The following NCKAP5 variants were observed in gnomAD, a reference collection of about 807,000 sequenced individuals.
NCKAP5 encodes the protein nck-associated protein 5.
A neutral mutation model predicts 167.0 loss-of-function variants in NCKAP5; 92 were observed. The ratio of observed to expected loss-of-function variants is 0.55; its 90% CI spans 0.47 to 0.66. The LOEUF (loss-of-function observed/expected upper bound fraction) is 0.66. Among genes scored for constraint, NCKAP5 ranks in the 30% least tolerant of loss-of-function variants. The pLI, the probability that NCKAP5 is intolerant of heterozygous loss-of-function variation, is 0.00. For missense variants in NCKAP5, 2,378 were observed against 2,315.0 expected, an observed-to-expected ratio of 1.03 and a Z score of -0.56; for synonymous variants, 891 against 877.4, an observed-to-expected ratio of 1.02 and a Z score of -0.27.
intron 5 of NCKAP5, among the ~76,000 whole-genome samples, chr2:133,199,041 G>A (rs2085558568): frequency 6.6e-6 from 1 of 151,916 alleles, no homozygotes. Flanking sequence ...TGATACAAAT[G>A]TGGATATCTA....
Position 132,732,210 on chromosome 2 carries a change from C to T in NCKAP5, c.5129-159G>A, listed in dbSNP as rs189976852. Among the ~76,000 whole-genome samples the T allele has an allele frequency of 1.1e-4, 16 of 148,800 alleles. 1 individual carries two copies. In the East Asian group the frequency reaches 3.2e-3, roughly 30 times the overall value. On this transcript the variant is annotated intron_variant, in intron 16 of 19. Coordinates refer to ENST00000409261, the MANE Select transcript of NCKAP5 (RefSeq NM_207363.3). ...CACAAGGACAGAAAACCAAACACCG[C>T]TTGTTCTCACTCATAGGTGGGAATT...
At chr2:132,676,292 T>TG (rs1684469842) in intron 19 of NCKAP5, among the ~76,000 whole-genome samples, 1 of 132,722 alleles carries the variant, frequency 7.5e-6, no homozygotes, top group Non-Finnish European at 1.6e-5. Context: ...CCTTTTTTTT[T>TG]TTTTTTTTTT....
In NCKAP5 at chr2:132,912,967, T is replaced by C. The variant is rs138400955; in HGVS notation, c.580-34051A>G. Among the ~76,000 whole-genome samples, 445 of 152,264 alleles carry C rather than the reference T, an allele frequency of 2.9e-3. 1 individual carries two copies. The highest frequency in any genetic ancestry group is 0.01 in the African/African-American group (433 of 41,558). ...TTGCTTTCAATTTGAATGTTATCCC[T>C]ACAGAACATTAGAAAGCACTCAGTG... is the stretch of plus-strand genomic sequence containing the variant. On this transcript the variant is annotated intron_variant, in intron 8 of 19. Transcript: ENST00000409261.
At chr2:133,641,896 A>T in the NCKAP5 span, among the ~76,000 whole-genome samples, 2 of 152,172 alleles carry the variant, frequency 1.3e-5, no homozygotes, top group Admixed American at 1.3e-4. Flanking sequence ...CCATTGAATG[A>T]TCAATATATC....
At chr2:132,800,749 T>C (rs1174243522) in intron 11 of NCKAP5, among the ~76,000 whole-genome samples, 1 of 152,170 alleles carries the variant, frequency 6.6e-6, no homozygotes, top group Non-Finnish European at 1.5e-5. Flanking sequence ...GTGGATTCCC[T>C]GCCTTGAGGA....
At chr2:132,868,895 C>T (rs999008232) in intron 10 of NCKAP5, 41 bp downstream of exon 10, 2 of 1,493,036 alleles carry the variant, frequency 1.3e-6, no homozygotes, top group Non-Finnish European at 9.0e-7. Context: ...AATATAGTCA[C>T]AAAAGTGCCT....
intron 4 of NCKAP5, among the ~76,000 whole-genome samples, chr2:133,215,007 G>T (rs1000976525): frequency 9.2e-5 from 14 of 152,190 alleles, no homozygotes; most frequent in African/African-American, 2.7e-4. Context: ...TCTTTTAGTA[G>T]AAATAGTTCT....
chr2:133,393,348 C>T (rs946412781), intron 3 of NCKAP5, among the ~76,000 whole-genome samples: 1 of 152,184 alleles, frequency 6.6e-6, no homozygotes, highest in Non-Finnish European at 1.5e-5. Context: ...GAAAGCTTTA[C>T]AGTTATCAAG....
At chr2:133,386,470 A>G (rs983514719) in intron 3 of NCKAP5, among the ~76,000 whole-genome samples, 1 of 152,202 alleles carries the variant, frequency 6.6e-6, no homozygotes, top group Non-Finnish European at 1.5e-5. Flanking sequence ...ACTTCCAACT[A>G]TGTGGACAAT....
chr2:132,698,440 A>G (rs1323738841), intron 19 of NCKAP5, among the ~76,000 whole-genome samples: 2 of 152,164 alleles, frequency 1.3e-5, no homozygotes, highest in Non-Finnish European at 2.9e-5. Context: ...TCTGAATCTC[A>G]GTTTTATTAT....
the NCKAP5 span, among the ~76,000 whole-genome samples, chr2:133,611,086 G>A: frequency 6.0e-5 from 9 of 150,976 alleles, no homozygotes; most frequent in African/African-American, 2.0e-4. Flanking sequence ...AGTGACCTTG[G>A]ATTTAAATGT....
upstream of NCKAP5, among the ~76,000 whole-genome samples, chr2:133,570,576 C>G (rs1254301648): frequency 6.6e-6 from 1 of 152,146 alleles, no homozygotes; most frequent in East Asian, 1.9e-4. Flanking sequence ...GATTTAAAGA[C>G]CTCTTAGACT....
chr2:133,240,132 G>A (rs1243548781), intron 4 of NCKAP5, among the ~76,000 whole-genome samples: 3 of 152,004 alleles, frequency 2.0e-5, no homozygotes, highest in Non-Finnish European at 1.5e-5. Flanking sequence ...CCGGAGTTAC[G>A]AACTTAGCCA....
intron 6 of NCKAP5, among the ~76,000 whole-genome samples, chr2:133,102,651 T>C (rs1040548578): frequency 1.3e-5 from 2 of 152,162 alleles, no homozygotes; most frequent in African/African-American, 4.8e-5. Flanking sequence ...CCTCCACTAC[T>C]TTATTTACAT....
intron 8 of NCKAP5, among the ~76,000 whole-genome samples, chr2:132,911,713 A>T (rs1694464852): frequency 6.6e-6 from 1 of 152,292 alleles, no homozygotes; most frequent in East Asian, 1.9e-4. Flanking sequence ...TTGCCCTCCT[A>T]TGTGAACTCC....
At chr2:132,907,627 T>C (rs564317612) in intron 8 of NCKAP5, among the ~76,000 whole-genome samples, 33 of 152,308 alleles carry the variant, frequency 2.2e-4, no homozygotes, top group Middle Eastern at 3.4e-3. Context: ...TTTAGAGGTG[T>C]TTAGATAAAC....
chr2:132,785,262 T>C lies in NCKAP5; in HGVS notation c.1549A>G (p.Asn517Asp), dbSNP rs1683461980. ...VSDSLFGWET[N>D]RKHFLEGTSS... ...GTGCCTTCCAGAAAGTGTTTTCTGTTTGTCTCCCAGCCAAACAGACTGTCG... is the reference window on the plus strand; with the variant it reads ...GTGCCTTCCAGAAAGTGTTTTCTGTCTGTCTCCCAGCCAAACAGACTGTCG... Residue 517 changes from asparagine to aspartate, a missense_variant, in exon 14 of 20, where the codon AAC (asparagine) becomes GAC (aspartate). By Grantham distance (23) the Asn-to-Asp change is conservative. Transcript: ENST00000409261. 6.3e-6 allele frequency: 10 copies of C among 1,577,208 alleles called. No individual in the cohort carries two copies. The highest frequency in any genetic ancestry group is 8.6e-6 in the Non-Finnish European group (10 of 1,162,080).
chr2:133,604,330 C>G, the NCKAP5 span, among the ~76,000 whole-genome samples: 3 of 152,098 alleles, frequency 2.0e-5, no homozygotes, highest in Admixed American at 6.5e-5. Context: ...CTCAGCCCCT[C>G]GAGTAGCTGG....
rs72987695 is a variant in NCKAP5, at chr2:133,336,820, A to T, written c.70-33710T>A. Among the ~76,000 whole-genome samples the T allele has an allele frequency of 7.1e-3, 1,082 of 152,256 alleles. 15 individuals are homozygous for T. The highest frequency in any genetic ancestry group is 0.024 in the African/African-American group (1,016 of 41,538). ...TTCTGGCTACACGGGTGGCTGATAA[A>T]GTTGATTTCATCTCCAAAAGTGACA... On this transcript the variant is annotated intron_variant, in intron 3 of 19. Transcript: ENST00000409261.
Sources: gnomAD v4.1 joint callset for allele counts (sites outside exome capture counted in the v4.1 genomes callset) on GRCh38, gnomAD v4.1.1 for gene constraint, MANE v1.5 for transcripts, NCBI Gene and HGNC (gene_info 2026-07-23, HGNC 2026-07-21) for gene names.